SORCS2: variants seen among roughly 807,000 people sequenced by gnomAD.
SORCS2 encodes sortilin related VPS10 domain containing receptor 2.
SORCS2 carries 100 observed loss-of-function variants against 141.6 expected under a neutral mutation model. The ratio of observed to expected loss-of-function variants is 0.71; its 90% CI spans 0.60 to 0.83. The LOEUF (loss-of-function observed/expected upper bound fraction) is 0.83. Ranked by LOEUF, SORCS2 falls within the 40% of genes least tolerant of loss-of-function variation. The pLI is 0.00. For missense variants in SORCS2, 1,646 were observed against 1,560.2 expected (o/e 1.05, Z -0.93); for synonymous variants, 789 against 676.9 (o/e 1.17, Z -2.57).
intron 1 of SORCS2, among the ~76,000 whole-genome samples, chr4:7,305,368 T>C (rs1161686883): frequency 5.2e-4 from 79 of 151,814 alleles, no homozygotes; most frequent in Non-Finnish European, 1.1e-3. Context: ...TTAGTTTTTT[T>C]TTTTTTTTTT....
chr4:7,707,959 G>T (rs1238902396), intron 14 of SORCS2, among the ~76,000 whole-genome samples: 1 of 152,172 alleles, frequency 6.6e-6, no homozygotes, highest in African/African-American at 2.4e-5. Flanking sequence ...TTCTCGCCAG[G>T]CTGGTGTCCC....
chr4:7,433,815 G>C (rs765798690), intron 2 of SORCS2: 7 of 1,613,660 alleles, frequency 4.3e-6, no homozygotes, highest in Middle Eastern at 1.6e-4. Context: ...CCTTCTCTGG[G>C]GTGATTTTGG....
intron 2 of SORCS2, among the ~76,000 whole-genome samples, chr4:7,501,884 G>C (rs1423346233): frequency 2.0e-5 from 3 of 152,166 alleles, no homozygotes; most frequent in African/African-American, 7.2e-5. Flanking sequence ...AGTCACCCCT[G>C]ATCTCTCTGG....
At chr4:7,238,947 G>A (rs948213202) in intron 1 of SORCS2, among the ~76,000 whole-genome samples, 4 of 152,146 alleles carry the variant, frequency 2.6e-5, no homozygotes, top group Non-Finnish European at 4.4e-5. Flanking sequence ...TCTTCATCTG[G>A]GCCATCCGTG....
chr4:7,434,850 G>A, intron 2 of SORCS2: 5 of 1,585,418 alleles, frequency 3.2e-6, no homozygotes, highest in East Asian at 2.3e-5. Flanking sequence ...CCCCCAGGAG[G>A]CTGGGCAGGA....
intron 14 of SORCS2, among the ~76,000 whole-genome samples, chr4:7,706,080 T>TCTGGGCAGGGATGAGGTTGGGCTCC (rs1725424577): frequency 1.5e-5 from 1 of 64,710 alleles, no homozygotes; most frequent in South Asian, 6.2e-4. Flanking sequence ...GGCTGGGCTC[T>TCTGGGCAGGGATGAGGTTGGGCTCC]GCCTGGACAG....
intron 23 of SORCS2, 94 bp downstream of exon 23, chr4:7,729,806 G>T (rs1711527252): frequency 1.3e-6 from 2 of 1,488,566 alleles, no homozygotes; most frequent in Non-Finnish European, 1.8e-6. Context: ...GTGGCTCATG[G>T]CATAAAGGCG....
intron 2 of SORCS2, among the ~76,000 whole-genome samples, chr4:7,472,730 G>C (rs1333396323): frequency 1.3e-5 from 2 of 152,188 alleles, no homozygotes; most frequent in Non-Finnish European, 2.9e-5. Context: ...ATTAAGACGA[G>C]GCTCCGCTGA....
chr4:7,391,333 G>A (rs972345042), intron 1 of SORCS2, among the ~76,000 whole-genome samples: 5 of 152,202 alleles, frequency 3.3e-5, no homozygotes, highest in South Asian at 2.1e-4. Context: ...TGTTAATGCC[G>A]TTGTGGGTCC....
At chr4:7,581,436 A>G (rs1228517638) in intron 3 of SORCS2, among the ~76,000 whole-genome samples, 1 of 152,198 alleles carries the variant, frequency 6.6e-6, no homozygotes, top group Non-Finnish European at 1.5e-5. Context: ...TTAAAATAAA[A>G]AGTCCATGGC....
intron 1 of SORCS2, among the ~76,000 whole-genome samples, chr4:7,314,256 C>G (rs759753957): frequency 6.6e-6 from 1 of 152,016 alleles, no homozygotes; most frequent in Non-Finnish European, 1.5e-5. Context: ...AACGAGGCAG[C>G]GGGATGCGAC....
At position 7,276,583 on chromosome 4, in the gene SORCS2, C is replaced by T. The variant is rs113331010; in HGVS notation, c.480+83457C>T. Among the ~76,000 whole-genome samples the T allele has an allele frequency of 2.2e-4, 34 of 152,252 alleles. No homozygotes were observed. The East Asian group carries it at 5.2e-3, about 23-fold the overall frequency. On this transcript the variant is annotated intron_variant, in intron 1 of 26. Transcript: ENST00000507866. ...TTCCTGCCTCCCCCGCTCCAGGCCC[C>T]GGGAAACGCACTGGAAACTCAGGTG...
chr4:7,590,332 G>A (rs1486701129), intron 3 of SORCS2, among the ~76,000 whole-genome samples: 1 of 152,188 alleles, frequency 6.6e-6, no homozygotes, highest in Non-Finnish European at 1.5e-5. Flanking sequence ...ATTCATAGCT[G>A]TGCTTTCATC....
chr4:7,595,870 C>G (rs946698848), intron 3 of SORCS2, among the ~76,000 whole-genome samples: 1 of 152,196 alleles, frequency 6.6e-6, no homozygotes, highest in Non-Finnish European at 1.5e-5. Flanking sequence ...CTGTGGTGGA[C>G]AAGCCCGACG....
chr4:7,311,831 C>G (rs79008158), intron 1 of SORCS2, among the ~76,000 whole-genome samples: 10,156 of 152,148 alleles, frequency 0.067, 655 homozygotes, highest in African/African-American at 0.17. Context: ...TATTTTCTCC[C>G]AGTTTGTGGC....
intron 2 of SORCS2, among the ~76,000 whole-genome samples, chr4:7,411,185 A>C (rs1354798067): frequency 6.6e-6 from 1 of 151,626 alleles, no homozygotes; most frequent in African/African-American, 2.4e-5. Flanking sequence ...CCGTCTCTTG[A>C]ACTCGTGATC....
At chr4:7,218,421 G>A (rs1728504460) in intron 1 of SORCS2, among the ~76,000 whole-genome samples, 1 of 152,154 alleles carries the variant, frequency 6.6e-6, no homozygotes, top group South Asian at 2.1e-4. Context: ...AATTGCATGA[G>A]GATTTTTGCC....
chr4:7,661,616 G>A lies in SORCS2; in HGVS notation c.952+52G>A, dbSNP rs147265880. ...GGTATCCCTGAGTCACCTCGCACCC[G>A]ACACAGCTCGGCTGCACGTGTGTTC... On this transcript the variant is annotated intron_variant, in intron 6 of 26. Transcript: ENST00000507866. The A allele has an allele frequency of 7.1e-4, 1,076 of 1,513,962 alleles. 6 individuals are homozygous for A. In the African/African-American group the frequency reaches 0.012, roughly 16 times the overall value. 93.8% of individuals were successfully genotyped at this position (1,513,962 alleles called of 1,614,324 possible). A position where few individuals can be genotyped will look rare whatever the true frequency, so the allele number is the denominator to read the frequency against.
intron 1 of SORCS2, among the ~76,000 whole-genome samples, chr4:7,392,318 G>A (rs371813992): frequency 6.6e-6 from 1 of 152,156 alleles, no homozygotes; most frequent in Admixed American, 6.5e-5. Context: ...GGTGTCAGGA[G>A]GAGCGGGTGA....
Sources: gnomAD v4.1 joint callset for allele counts (sites outside exome capture counted in the v4.1 genomes callset) on GRCh38, gnomAD v4.1.1 for gene constraint, MANE v1.5 for transcripts, NCBI Gene and HGNC (gene_info 2026-07-23, HGNC 2026-07-21) for gene names.